The following CNOT7 variants were observed in gnomAD, a reference collection of about 807,000 sequenced individuals.
CNOT7 encodes BTG1-binding factor 1.
Under a neutral mutation model 37.1 loss-of-function variants are expected in CNOT7, and 4 were observed. The observed-to-expected ratio is 0.11, with a 90% CI of 0.05 to 0.25. The LOEUF (loss-of-function observed/expected upper bound fraction) is 0.25, where lower values mean the gene tolerates loss of function less well. CNOT7 is among the 10% of genes least tolerant of loss of function. The pLI, the probability that CNOT7 is intolerant of heterozygous loss-of-function variation, is 1.00. For synonymous variants in CNOT7, 128 were observed against 115.6 expected, an observed-to-expected ratio of 1.11 and a Z score of -0.69; for missense variants, 170 against 336.2, an observed-to-expected ratio of 0.51 and a Z score of 3.87.
chr8:17,230,891 A>G (rs762827184), intron 6 of CNOT7, 43 bp from the exon 7 acceptor site: 3 of 1,392,652 alleles, frequency 2.2e-6, no homozygotes, highest in Non-Finnish European at 3.0e-6. Context: ...AATTTTAACC[A>G]AAAGGAACCA....
intron 6 of CNOT7, chr8:17,231,981 T>G: frequency 1.0e-6 from 1 of 991,594 alleles, no homozygotes; most frequent in Non-Finnish European, 1.2e-6. Flanking sequence ...CATGAGCAAA[T>G]AATATATTTA....
intron 3 of CNOT7, among the ~76,000 whole-genome samples, chr8:17,239,602 C>T (rs1426322892): frequency 6.6e-6 from 1 of 152,170 alleles, no homozygotes; most frequent in Non-Finnish European, 1.5e-5. Flanking sequence ...CGCCATTCTC[C>T]CGCCTCAGCC....
At chr8:17,241,536 A>C (rs1810165889) in intron 3 of CNOT7, 2 of 152,220 alleles carry the variant, frequency 1.3e-5, no homozygotes, top group Non-Finnish European at 2.9e-5. Context: ...CTGACAAAGA[A>C]CAGGAAGAAA....
chr8:17,231,750 T>C (rs1039278730), intron 6 of CNOT7: 21 of 985,342 alleles, frequency 2.1e-5, no homozygotes, highest in Non-Finnish European at 9.6e-6. Context: ...GAGTAGATAA[T>C]GGGTTCATTT....
intron 5 of CNOT7, among the ~76,000 whole-genome samples, chr8:17,233,662 G>T (rs1424275908): frequency 1.3e-5 from 2 of 152,140 alleles, no homozygotes; most frequent in Non-Finnish European, 2.9e-5. Flanking sequence ...AGGGTGGGCT[G>T]AATTTCTCAA....
At chr8:17,230,958 G>A in intron 6 of CNOT7, 110 bp from the exon 7 acceptor site, 1 of 744,920 alleles carries the variant, frequency 1.3e-6, no homozygotes, top group Non-Finnish European at 2.2e-6. Context: ...AATAATGATG[G>A]CTCTTTTCTA....
rs890750110 is a variant in CNOT7, at chr8:17,228,861, G to A, written c.*1859C>T. The A allele has an allele frequency of 2.6e-5, 4 of 151,952 alleles. No homozygotes were observed. The highest frequency in any genetic ancestry group is 6.6e-5 in the Admixed American group (1 of 15,246). 9.4% of individuals were successfully genotyped at this position (151,952 alleles called of 1,614,324 possible). A position where few individuals can be genotyped will look rare whatever the true frequency, so the allele number is the denominator to read the frequency against. Reference sequence around the variant, plus strand: ...GCTAACAAATCACAAGCGAAAAGAAGCTTCACTTCCTTTTTAACGAAGACA... The same window carrying A: ...GCTAACAAATCACAAGCGAAAAGAAACTTCACTTCCTTTTTAACGAAGACA... On this transcript the variant is annotated 3_prime_UTR_variant, in exon 7 of 7. Transcript: ENST00000361272.
At chr8:17,231,993 C>A in intron 6 of CNOT7, 1 of 995,932 alleles carries the variant, frequency 1.0e-6, no homozygotes, top group Non-Finnish European at 1.2e-6. Context: ...ATATATTTAT[C>A]ACCAGTTTAA....
chr8:17,245,587 A>G (rs1190334555), intron 1 of CNOT7, among the ~76,000 whole-genome samples: 4 of 152,218 alleles, frequency 2.6e-5, no homozygotes, highest in African/African-American at 7.2e-5. Flanking sequence ...AAAATGAAAA[A>G]TTACTTATTT....
rs1004786929 is a variant in CNOT7, at chr8:17,227,029, A to G, written c.*3691T>C. ...TGTTTCTCACAAAAAAAAAAAAATC[A>G]TGGAACTGAAGATGGTTAAGTCCAC... On this transcript the variant is annotated 3_prime_UTR_variant, in exon 7 of 7. Coordinates refer to ENST00000361272, the MANE Select transcript of CNOT7 (RefSeq NM_013354.7). 6.6e-6 allele frequency: 1 copy of G among 150,530 alleles called. No individual in the cohort carries two copies. The highest frequency in any genetic ancestry group is 1.5e-5 in the Non-Finnish European group (1 of 67,240). 9.3% of individuals were successfully genotyped at this position (150,530 alleles called of 1,614,324 possible).
At chr8:17,234,512 C>A in intron 5 of CNOT7, 1 of 541,334 alleles carries the variant, frequency 1.8e-6, no homozygotes, top group Non-Finnish European at 3.3e-6. Flanking sequence ...ATTCTGCCTT[C>A]TGCCAAGACA....
At position 17,246,830 on chromosome 8, in the gene CNOT7, C is replaced by G; in HGVS notation, c.-251G>C. On this transcript the variant is annotated 5_prime_UTR_variant, in exon 1 of 7. Transcript: ENST00000361272. ...GGAAAGGCGAGCAGGAGCTGCGCCG[C>G]ACCGTGCTGCGCCGTCGCTTTTCGC... 7.7e-6 allele frequency: 2 copies of G among 258,940 alleles called. No individual in the cohort carries two copies. Among genetic ancestry groups the G allele is most frequent in the South Asian group, 3.6e-5 (1 of 28,020 alleles). The allele number at this position is 258,940 out of a possible 1,614,324, so 16.0% of individuals were successfully genotyped here. A position where few individuals can be genotyped will look rare whatever the true frequency, so the allele number is the denominator to read the frequency against.
At position 17,227,549 on chromosome 8, in the gene CNOT7, C is replaced by T. The variant is rs901789656; in HGVS notation, c.*3171G>A. ...TAATTCAGCATTAGTAAATGGTTTT[C>T]TTTGCTTGGCTAACAAATAGGCTAC... On this transcript the variant is annotated 3_prime_UTR_variant, in exon 7 of 7. Transcript: ENST00000361272. 6.6e-6 allele frequency: 1 copy of T among 151,858 alleles called. No homozygotes were observed. The highest frequency in any genetic ancestry group is 1.5e-5 in the Non-Finnish European group (1 of 67,804). The allele number at this position is 151,858 out of a possible 1,614,324, so 9.4% of individuals were successfully genotyped here. A position where few individuals can be genotyped will look rare whatever the true frequency, so the allele number is the denominator to read the frequency against.
chr8:17,237,416 C>G (rs748063224), intron 3 of CNOT7, 43 bp from the exon 4 acceptor site: 1 of 1,590,026 alleles, frequency 6.3e-7, no homozygotes, highest in Non-Finnish European at 8.6e-7. Context: ...CATGCCATTA[C>G]TTCAAACAAG....
chr8:17,231,724 T>A, intron 6 of CNOT7: 2 of 985,424 alleles, frequency 2.0e-6, no homozygotes, highest in Non-Finnish European at 2.4e-6. Context: ...TCTGTGCACA[T>A]CACTTAATTA....
At chr8:17,243,382 T>C (rs563661577) in intron 2 of CNOT7, 197 bp from the exon 3 acceptor site, 1 of 641,218 alleles carries the variant, frequency 1.6e-6, no homozygotes, top group Non-Finnish European at 2.8e-6. Context: ...AACCTTTCCT[T>C]AAATATATCC....
chr8:17,232,563 CAAG>C (rs780528909), intron 5 of CNOT7, 26 bp from the exon 6 acceptor site: 6 of 1,597,598 alleles, frequency 3.8e-6, no homozygotes, highest in South Asian at 2.3e-5. Flanking sequence ...AATTGCTTGT[CAAG>C]AAGAAAAATC....
chr8:17,225,818 G>A lies in CNOT7; in HGVS notation c.*4902C>T, dbSNP rs926342201. The A allele has an allele frequency of 2.1e-4, 32 of 151,626 alleles. No homozygotes were observed. The highest frequency in any genetic ancestry group is 4.6e-4 in the African/African-American group (19 of 41,454). 9.4% of individuals were successfully genotyped at this position (151,626 alleles called of 1,614,324 possible). A position where few individuals can be genotyped will look rare whatever the true frequency, so the allele number is the denominator to read the frequency against. On this transcript the variant is annotated 3_prime_UTR_variant, in exon 7 of 7. Transcript: ENST00000361272. ...GAACTGGCCTTCACTACAAAGCACC[G>A]ACACACAGAATAATCAGCATTTTTC...
chr8:17,240,252 T>C (rs1314321275), intron 3 of CNOT7, among the ~76,000 whole-genome samples: 3 of 152,230 alleles, frequency 2.0e-5, no homozygotes, highest in Non-Finnish European at 4.4e-5. Flanking sequence ...TCAGTGTAAA[T>C]CAAGCTTGTC....
Sources: allele counts gnomAD v4.1 joint callset (sites outside exome capture counted in the v4.1 genomes callset), GRCh38; gene constraint gnomAD v4.1.1; transcripts MANE v1.5; gene names NCBI Gene and HGNC (gene_info 2026-07-23, HGNC 2026-07-21).